GLB1: variants seen among roughly 807,000 people sequenced by gnomAD.
GLB1 encodes galactosidase beta 1, also known as beta-galactosidase.
Under a neutral mutation model 74.0 loss-of-function variants are expected in GLB1, and 56 were observed. The ratio of observed to expected loss-of-function variants is 0.76; its 90% CI spans 0.61 to 0.94. The LOEUF is 0.94. GLB1 is among the 40% of genes least tolerant of loss of function. The probability of loss-of-function intolerance (pLI) is 0.00; values close to 1 mark genes in which losing one functional copy is unlikely to be tolerated. For synonymous variants in GLB1, 323 were observed against 323.6 expected (o/e 1.00, Z 0.02); for missense variants, 787 against 845.5 (o/e 0.93, Z 0.86).
intron 1 of GLB1, among the ~76,000 whole-genome samples, chr3:33,077,858 A>C (rs951648047): frequency 3.3e-5 from 5 of 152,116 alleles, no homozygotes; most frequent in African/African-American, 1.2e-4. Flanking sequence ...ACAAAAAAAA[A>C]ACATAAAAAT....
At chr3:32,975,503 A>T in the GLB1 span, among the ~76,000 whole-genome samples, 1 of 152,320 alleles carries the variant, frequency 6.6e-6, no homozygotes, top group African/African-American at 2.4e-5. Context: ...GCACAAGCAG[A>T]TATAGGTTTT....
chr3:33,051,233 CAAAAAAA>C (rs35399363), intron 9 of GLB1, among the ~76,000 whole-genome samples: 3 of 76,414 alleles, frequency 3.9e-5, no homozygotes, highest in African/African-American at 6.1e-5. Context: ...GACTGCGTCT[CAAAAAAA>C]AAAAAAAAAA....
At chr3:33,029,059 T>G (rs1697897737) in intron 10 of GLB1, among the ~76,000 whole-genome samples, 1 of 152,194 alleles carries the variant, frequency 6.6e-6, no homozygotes, top group Admixed American at 6.5e-5. Context: ...TCTATCCCAT[T>G]TACTACAATT....
intron 14 of GLB1, among the ~76,000 whole-genome samples, chr3:33,015,955 A>G (rs1234638042): frequency 6.6e-6 from 1 of 152,228 alleles, no homozygotes; most frequent in East Asian, 1.9e-4. Flanking sequence ...CTGGTGGGGC[A>G]TCTCGCGGAG....
intron 1 of GLB1, among the ~76,000 whole-genome samples, chr3:33,087,737 G>C (rs1301959983): frequency 6.6e-6 from 1 of 152,046 alleles, no homozygotes; most frequent in Non-Finnish European, 1.5e-5. Flanking sequence ...TTGAAGAGGA[G>C]GAACATTTCT....
At chr3:33,002,882 G>C (rs543773518) in intron 15 of GLB1, among the ~76,000 whole-genome samples, 1 of 152,236 alleles carries the variant, frequency 6.6e-6, no homozygotes, top group African/African-American at 2.4e-5. Context: ...AAGGTTAAAG[G>C]CTCTCACACA....
At chr3:32,973,124 G>C in the GLB1 span, among the ~76,000 whole-genome samples, 1 of 152,080 alleles carries the variant, frequency 6.6e-6, no homozygotes, top group Non-Finnish European at 1.5e-5. Context: ...CTCTTTGTTC[G>C]GGGCTTAGTC....
intron 9 of GLB1, among the ~76,000 whole-genome samples, chr3:33,046,582 T>A (rs916428296): frequency 1.2e-4 from 19 of 152,114 alleles, no homozygotes; most frequent in African/African-American, 2.4e-5. Flanking sequence ...ATGGCAGGGC[T>A]TATGATATGA....
At chr3:32,986,592 C>CACTTTT in the GLB1 span, among the ~76,000 whole-genome samples, 1 of 131,684 alleles carries the variant, frequency 7.6e-6, no homozygotes, top group African/African-American at 3.4e-5. Flanking sequence ...TAGACTGTTT[C>CACTTTT]TCTTTTTTTT....
intron 9 of GLB1, among the ~76,000 whole-genome samples, chr3:33,050,780 G>A (rs1698943540): frequency 6.6e-6 from 1 of 152,142 alleles, no homozygotes; most frequent in Admixed American, 6.5e-5. Context: ...TTTATGGTTT[G>A]TGAATTATAC....
At chr3:33,007,756 T>G (rs887644904) in intron 15 of GLB1, among the ~76,000 whole-genome samples, 1 of 152,146 alleles carries the variant, frequency 6.6e-6, no homozygotes, top group Non-Finnish European at 1.5e-5. Flanking sequence ...ACAAATACTG[T>G]GTGGAGATGT....
rs371904215 is a variant in GLB1 at position 33,045,624 on chromosome 3, A to T, written c.1068+496T>A. ...ATGATGCATTAAATAAAGAAACCAGAGCTTAGCTTTACCTCTTTTGATATT... is the reference window on the plus strand; with the variant it reads ...ATGATGCATTAAATAAAGAAACCAGTGCTTAGCTTTACCTCTTTTGATATT... On this transcript the variant is annotated intron_variant, in intron 10 of 15. Transcript: ENST00000307363. 3.2e-4 allele frequency: 322 copies of T among 991,070 alleles called. No individual in the cohort carries two copies. In the African/African-American group the frequency reaches 4.6e-3, roughly 14 times the overall value. 61.4% of individuals were successfully genotyped at this position (991,070 alleles called of 1,614,324 possible). A position where few individuals can be genotyped will look rare whatever the true frequency, so the allele number is the denominator to read the frequency against.
chr3:33,047,752 G>C (rs1401196123), intron 9 of GLB1, among the ~76,000 whole-genome samples: 1 of 152,186 alleles, frequency 6.6e-6, no homozygotes, highest in African/African-American at 2.4e-5. Flanking sequence ...ATCAGATCAA[G>C]CAGGTCAGCT....
the GLB1 span, among the ~76,000 whole-genome samples, chr3:32,965,407 G>C: frequency 6.6e-6 from 1 of 152,160 alleles, no homozygotes; most frequent in Non-Finnish European, 1.5e-5. Context: ...TTATACTTTA[G>C]CAAAGAGACT....
At chr3:33,096,603 G>A (rs1701039969) in intron 1 of GLB1, 7 of 1,051,072 alleles carry the variant, frequency 6.7e-6, no homozygotes, top group African/African-American at 3.4e-5. Flanking sequence ...GGAGCGCTCC[G>A]CAGAGCACCA....
At chr3:32,985,721 T>G in the GLB1 span, among the ~76,000 whole-genome samples, 1 of 152,178 alleles carries the variant, frequency 6.6e-6, no homozygotes, top group Non-Finnish European at 1.5e-5. Flanking sequence ...ATATATATTT[T>G]TTGAGATGGA....
In GLB1 at chr3:33,093,237, C is replaced by T; in HGVS notation, c.75+3774G>A. 6.2e-7 allele frequency: 1 copy of T among 1,614,128 alleles called. No individual in the cohort carries two copies. The highest frequency in any genetic ancestry group is 8.5e-7 in the Non-Finnish European group (1 of 1,180,002). On this transcript the variant is annotated intron_variant, in intron 1 of 15. Coordinates refer to ENST00000307363, the MANE Select transcript of GLB1 (RefSeq NM_000404.4). This position sits in a 1 kb window ranked among gnomAD's most constrained non-coding sequence, Gnocchi z 6.0. ...CCAGTCCTCATCCTCACTCCCACTGCCACTGCCACCACCACCACGTTGGGC... is the reference window on the plus strand; with the variant it reads ...CCAGTCCTCATCCTCACTCCCACTGTCACTGCCACCACCACCACGTTGGGC...
rs1268684083 is a variant in GLB1 at position 33,093,409 on chromosome 3, C to T, written c.75+3602G>A. 6.2e-7 allele frequency: 1 copy of T among 1,614,076 alleles called. No homozygotes were observed. On this transcript the variant is annotated intron_variant, in intron 1 of 15. Transcript: ENST00000307363. This position sits in a 1 kb window ranked among gnomAD's most constrained non-coding sequence, Gnocchi z 6.0. ...GCACCGAGATGTGAATGAAGCTGGC[C>T]CAGAGGAGCGACAGCCGTCCGCAGG...
chr3:33,042,347 T>C (rs910099795), intron 10 of GLB1, among the ~76,000 whole-genome samples: 13 of 148,280 alleles, frequency 8.8e-5, no homozygotes, highest in Non-Finnish European at 1.9e-4. Context: ...TCCCCATCTA[T>C]ATCCCTGACC....
Sources: gnomAD v4.1 joint callset for allele counts (sites outside exome capture counted in the v4.1 genomes callset) on GRCh38, gnomAD v4.1.1 for gene constraint, Gnocchi (gnomAD v3.1) non-coding constraint, MANE v1.5 for transcripts, NCBI Gene and HGNC (gene_info 2026-07-23, HGNC 2026-07-21) for gene names.